Variants in SEMA4B observed in about 807,000 individuals in gnomAD.
SEMA4B encodes semaphorin-4B.
In SEMA4B, 55 loss-of-function variants were observed where a neutral mutation model predicts 88.1. The ratio of observed to expected loss-of-function variants is 0.62; its 90% CI spans 0.50 to 0.78. The LOEUF (loss-of-function observed/expected upper bound fraction) is 0.78. Ranked by LOEUF, SEMA4B falls within the 30% of genes least tolerant of loss-of-function variation. The pLI is 0.00. For synonymous variants in SEMA4B, 525 were observed against 473.6 expected (o/e 1.11, Z -1.41); for missense variants, 1,062 against 1,111.9 (o/e 0.96, Z 0.64).
intron 9 of SEMA4B, 95 bp from the exon 10 acceptor site, chr15:90,224,872 GA>G (rs1962057921): frequency 9.7e-7 from 1 of 1,028,542 alleles, no homozygotes; most frequent in African/African-American, 1.6e-5. Context: ...CGGGCGGGGG[GA>G]CAGACACCGC....
chr15:90,197,959 C>T (rs1266791077), upstream of SEMA4B, among the ~76,000 whole-genome samples: 3 of 149,184 alleles, frequency 2.0e-5, no homozygotes, highest in Non-Finnish European at 3.0e-5. Context: ...TGGAGTCTCG[C>T]TCTGTGGCCC....
intron 2 of SEMA4B, 61 bp downstream of exon 2, chr15:90,217,663 G>A (rs777403006): frequency 1.4e-5 from 23 of 1,605,034 alleles, no homozygotes; most frequent in Admixed American, 8.4e-5. Context: ...GAAGATGGAC[G>A]GGAAGCTTGA....
Position 90,223,917 on chromosome 15 carries a change from A to G in SEMA4B, c.1123A>G (p.Lys375Glu). 2 of 1,613,720 alleles carry G rather than the reference A, an allele frequency of 1.2e-6. No individual in the cohort carries two copies. The highest frequency in any genetic ancestry group is 1.7e-6 in the Non-Finnish European group (2 of 1,179,824). Residue 375 changes from lysine to glutamate, a missense_variant, in exon 9 of 14, where the codon AAG becomes GAG. Transcript: ENST00000411539. ...GCAGAGAGTCTTCAGCGGCCTCTAC[A>G]AGGAGGTGAACCGTGAGACACAGCA... ...DVQRVFSGLY[K>E]EVNRETQQWY...
intron 1 of SEMA4B, among the ~76,000 whole-genome samples, chr15:90,187,233 C>T (rs993523659): frequency 6.6e-6 from 1 of 152,238 alleles, no homozygotes; most frequent in Non-Finnish European, 1.5e-5. Context: ...AACTGTTTAG[C>T]TTCCCTAAAG....
At chr15:90,203,264 G>A (rs1350217569) in intron 1 of SEMA4B, among the ~76,000 whole-genome samples, 1 of 152,184 alleles carries the variant, frequency 6.6e-6, no homozygotes, top group Non-Finnish European at 1.5e-5. Context: ...GGGTGCTTCA[G>A]CTTGTGAAGT....
At chr15:90,196,032 G>A (rs1960493141) in intron 1 of SEMA4B, among the ~76,000 whole-genome samples, 1 of 149,584 alleles carries the variant, frequency 6.7e-6, no homozygotes, top group South Asian at 2.1e-4. Flanking sequence ...ACATTCTCCT[G>A]CCTCAGCCTC....
At chr15:90,225,514 T>A in intron 11 of SEMA4B, 117 bp downstream of exon 11, 1 of 1,292,670 alleles carries the variant, frequency 7.7e-7, no homozygotes, top group Non-Finnish European at 1.1e-6. Flanking sequence ...AGATAAAGGA[T>A]CCAGTCATGA....
chr15:90,188,912 G>C (rs1275943194), intron 1 of SEMA4B, among the ~76,000 whole-genome samples: 1 of 151,820 alleles, frequency 6.6e-6, no homozygotes, highest in Non-Finnish European at 1.5e-5. Context: ...CTCGTGATCC[G>C]CCCGCCTCAG....
intron 1 of SEMA4B, chr15:90,206,594 G>A (rs1961000866): frequency 3.6e-6 from 2 of 551,268 alleles, no homozygotes; most frequent in Middle Eastern, 3.0e-4. Flanking sequence ...CATTGCTGCT[G>A]GAGGGGTAAT....
chr15:90,197,057 A>G (rs1168742385), upstream of SEMA4B, among the ~76,000 whole-genome samples: 1 of 152,068 alleles, frequency 6.6e-6, no homozygotes, highest in Non-Finnish European at 1.5e-5. Flanking sequence ...CATTCACCCA[A>G]AGAATCTTGG....
intron 2 of SEMA4B, 38 bp downstream of exon 2, chr15:90,217,640 A>C: frequency 6.2e-7 from 1 of 1,609,866 alleles, no homozygotes; most frequent in Non-Finnish European, 8.5e-7. Flanking sequence ...GGCTGGGCAG[A>C]GGACCACAGA....
At chr15:90,188,422 G>A (rs191992015) in intron 1 of SEMA4B, among the ~76,000 whole-genome samples, 1 of 151,692 alleles carries the variant, frequency 6.6e-6, no homozygotes, top group Admixed American at 6.6e-5. Context: ...GAGGTCAGGG[G>A]TTCAAGACCA....
intron 1 of SEMA4B, among the ~76,000 whole-genome samples, chr15:90,194,366 C>A (rs916028558): frequency 1.4e-4 from 22 of 151,868 alleles, no homozygotes; most frequent in African/African-American, 3.9e-4. Flanking sequence ...AACCTCGTCT[C>A]TACTAAAAAT....
intron 4 of SEMA4B, among the ~76,000 whole-genome samples, chr15:90,220,615 C>T (rs1397374755): frequency 4.0e-5 from 6 of 151,798 alleles, no homozygotes; most frequent in African/African-American, 7.3e-5. Context: ...GTGATCCACC[C>T]GCCTCGGCCT....
rs1367854794 is a variant in SEMA4B at position 90,188,494 on chromosome 15, GGC to G, written c.-122+3416_-122+3417del. ...AATACAAAAATTAGCCAGGCATGGT[GGC>G]GCATGCCTGTAATCCCAGCTACCCG... On this transcript the variant is annotated intron_variant, in intron 1 of 14. Transcript: ENST00000332496. Among the ~76,000 whole-genome samples the G allele has an allele frequency of 1.4e-3, 220 of 152,010 alleles. No individual in the cohort carries two copies. In the East Asian group the frequency reaches 0.016, roughly 11 times the overall value.
intron 1 of SEMA4B, among the ~76,000 whole-genome samples, chr15:90,208,078 A>AC: frequency 6.6e-6 from 1 of 152,206 alleles, no homozygotes; most frequent in South Asian, 2.1e-4. Flanking sequence ...ACGTGGTGAA[A>AC]CCCCATCTCT....
chr15:90,197,913 T>TATTA (rs954215346), upstream of SEMA4B, among the ~76,000 whole-genome samples: 1 of 151,232 alleles, frequency 6.6e-6, no homozygotes, highest in African/African-American at 2.4e-5. Context: ...TTTATTTTAT[T>TATTA]ATTAATTAAT....
chr15:90,223,198 G>GC (rs1391670854), intron 7 of SEMA4B, among the ~76,000 whole-genome samples: 5 of 151,878 alleles, frequency 3.3e-5, no homozygotes, highest in Admixed American at 3.3e-4. Context: ...ACCCGCCTTG[G>GC]CCTCCCAAAG....
In SEMA4B at chr15:90,228,705, A is replaced by C; in HGVS notation, c.*62A>C. 1 of 1,597,678 alleles carries C rather than the reference A, an allele frequency of 6.3e-7. No individual in the cohort carries two copies. The highest frequency in any genetic ancestry group is 8.5e-7 in the Non-Finnish European group (1 of 1,171,134). The stretch of plus-strand genomic sequence containing the variant: ...GGCTGTGAATGCTCGGAGAGGGTCA[A>C]CTGGACCTCCCCTCCGCTCTGCTCT... On this transcript the variant is annotated 3_prime_UTR_variant, in exon 14 of 14. Transcript: ENST00000411539.
Sources: allele counts gnomAD v4.1 joint callset (sites outside exome capture counted in the v4.1 genomes callset), GRCh38; gene constraint gnomAD v4.1.1; transcripts MANE v1.5; gene names NCBI Gene and HGNC (gene_info 2026-07-23, HGNC 2026-07-21).